The following VPS35L variants were observed in gnomAD, a reference collection of about 807,000 sequenced individuals.
VPS35L encodes VPS35 endosomal protein sorting factor like.
VPS35L carries 83 observed loss-of-function variants against 133.0 expected under a neutral mutation model. The ratio of observed to expected loss-of-function variants is 0.62; its 90% CI spans 0.52 to 0.75. VPS35L has a LOEUF of 0.75. Ranked by LOEUF, VPS35L falls within the 30% of genes least tolerant of loss-of-function variation. VPS35L has a pLI of 0.00. For synonymous variants in VPS35L, 423 were observed against 449.9 expected (o/e 0.94, Z 0.76); for missense variants, 1,083 against 1,206.8 (o/e 0.90, Z 1.52).
chr16:19,667,536 C>A (rs1974734301), intron 26 of VPS35L, among the ~76,000 whole-genome samples: 1 of 151,982 alleles, frequency 6.6e-6, no homozygotes, highest in Admixed American at 6.6e-5. Context: ...GAGTTTGGGA[C>A]CAGCTTGGGC....
intron 28 of VPS35L, among the ~76,000 whole-genome samples, chr16:19,685,420 T>C (rs1051922047): frequency 6.6e-6 from 1 of 152,222 alleles, no homozygotes; most frequent in Non-Finnish European, 1.5e-5. Context: ...GTACCAAAAT[T>C]GATTCATTCC....
chr16:19,630,988 G>A (rs562582208), intron 18 of VPS35L, among the ~76,000 whole-genome samples: 10 of 152,022 alleles, frequency 6.6e-5, no homozygotes, highest in Admixed American at 5.2e-4. Flanking sequence ...CAGCCAGAGC[G>A]ACAGAGTGAG....
chr16:19,693,718 A>C (rs1975789709), intron 29 of VPS35L, among the ~76,000 whole-genome samples: 1 of 152,032 alleles, frequency 6.6e-6, no homozygotes, highest in South Asian at 2.1e-4. Context: ...CGGGAGGCGG[A>C]GGTTGCCGTG....
chr16:19,676,757 C>T (rs960131389), intron 27 of VPS35L, among the ~76,000 whole-genome samples: 3 of 152,066 alleles, frequency 2.0e-5, no homozygotes, highest in African/African-American at 7.2e-5. Flanking sequence ...TTTGTCGATC[C>T]AGGAATTAAG....
At chr16:19,680,468 T>C (rs1975232349) in intron 27 of VPS35L, among the ~76,000 whole-genome samples, 1 of 152,126 alleles carries the variant, frequency 6.6e-6, no homozygotes, top group South Asian at 2.1e-4. Flanking sequence ...TGGCGGTGTA[T>C]TGGCAAATGC....
chr16:19,663,523 T>G (rs1466086317), intron 26 of VPS35L, among the ~76,000 whole-genome samples: 2 of 151,662 alleles, frequency 1.3e-5, no homozygotes, highest in Non-Finnish European at 1.5e-5. Flanking sequence ...TTTTTTCTTT[T>G]TTTCCCCCGC....
At chr16:19,578,273 TTC>T in intron 5 of VPS35L, 1 of 449,240 alleles carries the variant, frequency 2.2e-6, no homozygotes, top group South Asian at 1.6e-5. Context: ...AAGTCCACAT[TTC>T]TTTCTTTTTT....
chr16:19,588,991 G>A (rs1357801506), intron 7 of VPS35L, among the ~76,000 whole-genome samples: 1 of 152,160 alleles, frequency 6.6e-6, no homozygotes, highest in Admixed American at 6.5e-5. Context: ...ATATTTTCTT[G>A]TGGTTTTAAT....
In VPS35L at chr16:19,592,832, C is replaced by T. The variant is rs148197560; in HGVS notation, c.724+958C>T. On this transcript the variant is annotated intron_variant, in intron 8 of 30. Transcript: ENST00000417362. ...TCACCAGTAGCTGGGATTACAGGCA[C>T]GCACCACCACGCCTAGCTAGTTTTT... Among the ~76,000 whole-genome samples, 22 of 151,994 alleles carry T rather than the reference C, an allele frequency of 1.4e-4. No individual in the cohort carries two copies. The East Asian group carries it at 3.5e-3, about 24-fold the overall frequency.
intron 26 of VPS35L, among the ~76,000 whole-genome samples, chr16:19,657,338 AACTT>A (rs1974338767): frequency 6.6e-6 from 1 of 151,660 alleles, no homozygotes; most frequent in African/African-American, 2.4e-5. Flanking sequence ...GTTCTTTTAG[AACTT>A]ACTTTCTTTT....
rs561558023 is a variant in VPS35L at position 19,579,423 on chromosome 16, C to T, written c.510+295C>T. 5 of 250,984 alleles carry T rather than the reference C, an allele frequency of 2.0e-5. No individual in the cohort carries two copies. In the East Asian group the frequency reaches 2.5e-4, roughly 12 times the overall value. The allele number at this position is 250,984 out of a possible 1,614,324, so 15.5% of individuals were successfully genotyped here. A position where few individuals can be genotyped will look rare whatever the true frequency, so the allele number is the denominator to read the frequency against. ...TAAAAACCAACTGCAAGGCCAGGCG[C>T]GGTGGCTCACGCCTGTAATCCCAGC... On this transcript the variant is annotated intron_variant, in intron 6 of 30. Coordinates refer to ENST00000417362, the MANE Select transcript of VPS35L (RefSeq NM_020314.7).
chr16:19,640,242 T>G (rs1973747124), intron 21 of VPS35L, 142 bp downstream of exon 21: 1 of 700,630 alleles, frequency 1.4e-6, no homozygotes, highest in Admixed American at 3.2e-5. Flanking sequence ...GAAAGCCACA[T>G]TAAAAGCAGC....
chr16:19,690,547 C>G (rs1975632570), intron 28 of VPS35L, among the ~76,000 whole-genome samples: 1 of 152,192 alleles, frequency 6.6e-6, no homozygotes, highest in African/African-American at 2.4e-5. Context: ...GGTGACAGGG[C>G]AGGCAGCTGG....
Position 19,639,880 on chromosome 16 carries a change from A to C in VPS35L, c.1699-135A>C. ...CAGGTCCTCTCCCTGATTTCAGAGG[A>C]GTCCTCATCTGACCCGACTCAGAGA... On this transcript the variant is annotated intron_variant, in intron 20 of 30. Coordinates refer to ENST00000417362, the MANE Select transcript of VPS35L (RefSeq NM_020314.7). This position sits in a 1 kb window ranked among gnomAD's most constrained non-coding sequence, Gnocchi z 4.1. 1.5e-6 allele frequency: 1 copy of C among 678,798 alleles called. No homozygotes were observed. The highest frequency in any genetic ancestry group is 2.5e-6 in the Non-Finnish European group (1 of 405,882). 42.0% of individuals were successfully genotyped at this position (678,798 alleles called of 1,614,324 possible). A position where few individuals can be genotyped will look rare whatever the true frequency, so the allele number is the denominator to read the frequency against.
At chr16:19,567,870 G>A (rs935459869) in intron 2 of VPS35L, among the ~76,000 whole-genome samples, 3 of 151,826 alleles carry the variant, frequency 2.0e-5, no homozygotes, top group Non-Finnish European at 4.4e-5. Flanking sequence ...CTCAGGAGAC[G>A]GAGGCAGGAA....
intron 8 of VPS35L, among the ~76,000 whole-genome samples, chr16:19,593,530 A>G (rs550113067): frequency 2.2e-4 from 34 of 152,356 alleles, no homozygotes; most frequent in African/African-American, 7.2e-4. Flanking sequence ...ACCTTGAAAA[A>G]GTGGGTCTTT....
intron 5 of VPS35L, among the ~76,000 whole-genome samples, chr16:19,577,843 A>G (rs760021056): frequency 3.3e-5 from 5 of 152,244 alleles, no homozygotes; most frequent in Non-Finnish European, 5.9e-5. Flanking sequence ...CCAACCGGAA[A>G]GCAGGCTGTC....
At chr16:19,643,339 T>G (rs1050057940) in intron 22 of VPS35L, among the ~76,000 whole-genome samples, 5 of 152,186 alleles carry the variant, frequency 3.3e-5, no homozygotes, top group African/African-American at 1.2e-4. Flanking sequence ...GAATGTTGAT[T>G]TCTCTCTTGT....
chr16:19,607,996 A>G, intron 9 of VPS35L, 182 bp from the exon 10 acceptor site: 1 of 585,964 alleles, frequency 1.7e-6, no homozygotes. Flanking sequence ...CTTGGCACTT[A>G]GAAAGCCTGT....
Sources: gnomAD v4.1 joint callset for allele counts (sites outside exome capture counted in the v4.1 genomes callset) on GRCh38, gnomAD v4.1.1 for gene constraint, Gnocchi (gnomAD v3.1) non-coding constraint, MANE v1.5 for transcripts, NCBI Gene and HGNC (gene_info 2026-07-23, HGNC 2026-07-21) for gene names.